Variants in KCNAB1 observed in about 807,000 individuals in gnomAD.
KCNAB1 encodes the protein potassium voltage-gated channel subfamily A regulatory beta subunit 1, also known as voltage-gated potassium channel subunit beta-1.
A neutral mutation model predicts 64.6 loss-of-function variants in KCNAB1; 35 were observed. The observed-to-expected ratio is 0.54, with a 90% CI of 0.41 to 0.72. KCNAB1 has a LOEUF of 0.72. Among genes scored for constraint, KCNAB1 ranks in the 30% least tolerant of loss-of-function variants. The pLI is 0.00. For synonymous variants in KCNAB1, 177 were observed against 183.8 expected, an observed-to-expected ratio of 0.96 and a Z score of 0.30; for missense variants, 401 against 512.9, an observed-to-expected ratio of 0.78 and a Z score of 2.11.
intron 8 of KCNAB1, among the ~76,000 whole-genome samples, chr3:156,482,901 G>A (rs1714932425): frequency 6.6e-6 from 1 of 151,994 alleles, no homozygotes; most frequent in South Asian, 2.1e-4. Flanking sequence ...TAGTCTCCAG[G>A]TCTACTACCA....
intron 1 of KCNAB1, among the ~76,000 whole-genome samples, chr3:156,304,614 T>C (rs1019586988): frequency 6.6e-6 from 1 of 152,252 alleles, no homozygotes; most frequent in Non-Finnish European, 1.5e-5. Flanking sequence ...CTTGTTGGCA[T>C]GTGGCAGTGG....
intron 8 of KCNAB1, among the ~76,000 whole-genome samples, chr3:156,486,885 G>T (rs935802887): frequency 3.9e-4 from 59 of 152,076 alleles, no homozygotes; most frequent in African/African-American, 1.3e-3. Context: ...ATGACTTTAG[G>T]TCTCTGTATT....
At chr3:156,147,955 ACACACG>A (rs1450103408) in intron 1 of KCNAB1, among the ~76,000 whole-genome samples, 2 of 132,820 alleles carry the variant, frequency 1.5e-5, no homozygotes, top group African/African-American at 6.5e-5. Flanking sequence ...ACACACACAC[ACACACG>A]CACGCACACG....
intron 1 of KCNAB1, among the ~76,000 whole-genome samples, chr3:156,171,183 T>TCACA (rs1273648068): frequency 2.0e-4 from 15 of 74,964 alleles, no homozygotes; most frequent in East Asian, 7.8e-4. Context: ...GTTAGAAACT[T>TCACA]CACGCACACA....
intron 1 of KCNAB1, among the ~76,000 whole-genome samples, chr3:156,405,906 AGATT>A (rs1423102821): frequency 6.6e-6 from 1 of 152,198 alleles, no homozygotes; most frequent in Non-Finnish European, 1.5e-5. Flanking sequence ...GTTTTCTTTT[AGATT>A]GATTATTAAA....
intron 3 of KCNAB1, among the ~76,000 whole-genome samples, chr3:156,454,796 C>T (rs186233656): frequency 5.6e-4 from 85 of 152,264 alleles, no homozygotes; most frequent in South Asian, 4.1e-4. Context: ...ACAGAAATAT[C>T]TTCCCTTTCT....
intron 1 of KCNAB1, among the ~76,000 whole-genome samples, chr3:156,160,529 A>G (rs2108308975): frequency 6.6e-6 from 1 of 152,270 alleles, no homozygotes; most frequent in East Asian, 1.9e-4. Flanking sequence ...AGAGGCAGGG[A>G]AGAAAGAGAT....
At position 156,516,384 on chromosome 3, in the gene KCNAB1, G is replaced by GA; in HGVS notation, c.960+26dup. ...CTGAAGGTATTTTTCTCAATGTCTA[G>GA]AAAAAAGCCTGGGAGTAGGAAGGAG... is the stretch of plus-strand genomic sequence containing the variant. On this transcript the variant is annotated intron_variant, in intron 11 of 13. Transcript: ENST00000490337. The GA allele has an allele frequency of 6.4e-7, 1 of 1,559,196 alleles. No individual in the cohort carries two copies. The highest frequency in any genetic ancestry group is 8.8e-7 in the Non-Finnish European group (1 of 1,129,994).
intron 1 of KCNAB1, among the ~76,000 whole-genome samples, chr3:156,393,768 T>A (rs757451488): frequency 3.0e-4 from 45 of 152,236 alleles, no homozygotes; most frequent in Admixed American, 8.5e-4. Context: ...GAAGACAGGA[T>A]GTTCAAAATA....
intron 1 of KCNAB1, among the ~76,000 whole-genome samples, chr3:156,259,103 G>A (rs2108475766): frequency 6.6e-6 from 1 of 152,298 alleles, no homozygotes; most frequent in African/African-American, 2.4e-5. Flanking sequence ...ACACCTTTGG[G>A]ATCTAGTGAC....
chr3:156,387,014 C>CTCTCTTTTTTT (rs60888308), intron 1 of KCNAB1, among the ~76,000 whole-genome samples: 8 of 90,526 alleles, frequency 8.8e-5, no homozygotes, highest in African/African-American at 3.8e-4. Flanking sequence ...TTCTCTCTCT[C>CTCTCTTTTTTT]TTTTTTTTTT....
chr3:156,198,468 G>A (rs938000564), intron 1 of KCNAB1, among the ~76,000 whole-genome samples: 1 of 152,112 alleles, frequency 6.6e-6, no homozygotes, highest in Non-Finnish European at 1.5e-5. Context: ...GAATCTGGGT[G>A]TTCCTGTATT....
At chr3:156,495,071 G>A (rs1185274750) in intron 8 of KCNAB1, among the ~76,000 whole-genome samples, 1 of 152,066 alleles carries the variant, frequency 6.6e-6, no homozygotes, top group African/African-American at 2.4e-5. Context: ...CCTGCAGTGT[G>A]TCCATGTGTT....
chr3:156,383,855 T>C (rs1474444619), intron 1 of KCNAB1, among the ~76,000 whole-genome samples: 1 of 152,168 alleles, frequency 6.6e-6, no homozygotes, highest in Non-Finnish European at 1.5e-5. Flanking sequence ...CCTGAGCTGG[T>C]TTTGAGCCTC....
chr3:156,507,340 T>A (rs1212775947), intron 8 of KCNAB1, among the ~76,000 whole-genome samples: 2 of 152,168 alleles, frequency 1.3e-5, no homozygotes, highest in Non-Finnish European at 2.9e-5. Flanking sequence ...GGTTAGTGAC[T>A]GTGATGGGAC....
chr3:156,219,866 C>T (rs1243444605), intron 1 of KCNAB1, among the ~76,000 whole-genome samples: 5 of 151,996 alleles, frequency 3.3e-5, no homozygotes, highest in African/African-American at 9.7e-5. Context: ...ATCCCTCCCC[C>T]AGCCCCTAAC....
chr3:156,336,477 C>T (rs1209884936), intron 1 of KCNAB1, among the ~76,000 whole-genome samples: 6 of 152,188 alleles, frequency 3.9e-5, no homozygotes, highest in Admixed American at 6.5e-5. Context: ...AGCTAATCTA[C>T]GGCCATAACT....
At chr3:156,398,590 CAA>C (rs767338912) in intron 1 of KCNAB1, among the ~76,000 whole-genome samples, 4 of 76,838 alleles carry the variant, frequency 5.2e-5, no homozygotes, top group Admixed American at 1.5e-4. Flanking sequence ...GACTCCGTCT[CAA>C]AAAAAAAAAA....
At chr3:156,221,320 G>T (rs901287008) in intron 1 of KCNAB1, among the ~76,000 whole-genome samples, 1 of 152,124 alleles carries the variant, frequency 6.6e-6, no homozygotes, top group African/African-American at 2.4e-5. Context: ...AGGCAGTATG[G>T]CCATTTTCAC....
Sources: allele counts gnomAD v4.1 joint callset (sites outside exome capture counted in the v4.1 genomes callset), GRCh38; gene constraint gnomAD v4.1.1; transcripts MANE v1.5; gene names NCBI Gene and HGNC (gene_info 2026-07-23, HGNC 2026-07-21).